Variants in KLHL11 observed in about 807,000 individuals in gnomAD.
KLHL11 encodes the protein kelch-like protein 11.
Under a neutral mutation model 56.1 loss-of-function variants are expected in KLHL11, and 26 were observed. The ratio of observed to expected loss-of-function variants is 0.46; its 90% confidence interval spans 0.34 to 0.64. KLHL11 has a LOEUF of 0.64. KLHL11 is among the 30% of genes least tolerant of loss of function. The probability of loss-of-function intolerance (pLI) is 0.01; values close to 1 mark genes in which losing one functional copy is unlikely to be tolerated. For synonymous variants in KLHL11, 338 were observed against 345.8 expected (o/e 0.98, Z 0.25); for missense variants, 627 against 919.4 (o/e 0.68, Z 4.11).
At chr17:41,858,393 T>TATATA in intron 1 of KLHL11, among the ~76,000 whole-genome samples, 1 of 81,590 alleles carries the variant, frequency 1.2e-5, no homozygotes, top group Non-Finnish European at 2.6e-5. Flanking sequence ...AACCCAGATA[T>TATATA]ATATATATAT....
intron 1 of KLHL11, among the ~76,000 whole-genome samples, chr17:41,857,446 G>A (rs1170088411): frequency 6.6e-6 from 1 of 150,682 alleles, no homozygotes; most frequent in Non-Finnish European, 1.5e-5. Flanking sequence ...GGCAGTGGTT[G>A]CAGTGAGCCA....
At chr17:41,863,887 CTTTA>C (rs34031055) in intron 1 of KLHL11, among the ~76,000 whole-genome samples, 21,850 of 152,026 alleles carry the variant, frequency 0.14, 1,708 homozygotes, top group East Asian at 0.18. Flanking sequence ...TCCCCCCATG[CTTTA>C]TTTTTCATCA....
chr17:41,864,736 G>T, intron 1 of KLHL11, 90 bp downstream of exon 1: 1 of 1,303,948 alleles, frequency 7.7e-7, no homozygotes, highest in Non-Finnish European at 1.0e-6. Flanking sequence ...CTCGCGAGCT[G>T]CCGTGGCAGG....
chr17:41,860,461 A>G (rs1403653240), intron 1 of KLHL11, among the ~76,000 whole-genome samples: 2 of 152,086 alleles, frequency 1.3e-5, no homozygotes, highest in Non-Finnish European at 2.9e-5. Context: ...TGATGGTTGC[A>G]GGGCACTTTG....
intron 1 of KLHL11, among the ~76,000 whole-genome samples, chr17:41,858,242 G>A (rs1343654278): frequency 3.4e-5 from 1 of 29,634 alleles, no homozygotes; most frequent in Non-Finnish European, 6.5e-5. Context: ...TTTTTTTTTT[G>A]AGACAGATCA....
intron 1 of KLHL11, among the ~76,000 whole-genome samples, chr17:41,857,067 A>G (rs2048371069): frequency 6.6e-6 from 1 of 152,068 alleles, no homozygotes; most frequent in African/African-American, 2.4e-5. Context: ...AGGGAGATGC[A>G]TGCCTGTAGT....
At position 41,854,363 on chromosome 17, in the gene KLHL11, G is replaced by A. The variant is rs1555622307; in HGVS notation, c.1504C>T (p.Arg502Trp). The A allele has an allele frequency of 3.1e-6, 5 of 1,614,122 alleles. No homozygotes were observed. The highest frequency in any genetic ancestry group is 4.2e-6 in the Non-Finnish European group (5 of 1,180,034). ...GTGCGGGCGGCAATGTATACAAACC[G>A]GTCTTCAATGGCTAGTGCTTTGACA... Reference protein sequence around the residue: ...RDVKALAIEDRFVYIAARTPV... With the variant: ...RDVKALAIEDWFVYIAARTPV... Residue 502 changes from arginine to tryptophan, a missense_variant, in exon 2 of 2, where the codon CGG becomes TGG. Physicochemically the swap from Arg to Trp is moderately radical, Grantham distance 101. Around this residue, in one of 4 missense-constraint regions of KLHL11, gnomAD observed 250 missense variants for 360.6 expected, o/e 0.69. Coordinates refer to ENST00000319121, the MANE Select transcript of KLHL11 (RefSeq NM_018143.3). This position sits in a 1 kb window ranked among gnomAD's most constrained non-coding sequence, Gnocchi z 4.9.
chr17:41,852,668 G>C lies in KLHL11; in HGVS notation c.*1072C>G, dbSNP rs963068664. ...TAGCCAGGCGTGATGGTGGGTACCTGTAATCCCAGCTACTCGGGATGCTGA... is the reference window on the plus strand; with the variant it reads ...TAGCCAGGCGTGATGGTGGGTACCTCTAATCCCAGCTACTCGGGATGCTGA... On this transcript the variant is annotated 3_prime_UTR_variant, in exon 2 of 2. Coordinates refer to ENST00000319121, the MANE Select transcript of KLHL11 (RefSeq NM_018143.3). 7.1e-4 allele frequency among the ~76,000 whole-genome samples: 108 copies of C among 151,324 alleles called. No homozygotes were observed. Among genetic ancestry groups the C allele is most frequent in the Admixed American group, 2.2e-3 (34 of 15,150 alleles).
At position 41,851,520 on chromosome 17, in the gene KLHL11, T is replaced by C. The variant is rs1371600919; in HGVS notation, c.*2220A>G. 2 of 149,734 alleles carry C rather than the reference T, an allele frequency of 1.3e-5. No homozygotes were observed. Among genetic ancestry groups the C allele is most frequent in the Non-Finnish European group, 3.0e-5 (2 of 67,744 alleles). The allele number at this position is 149,734 out of a possible 1,614,324, so 9.3% of individuals were successfully genotyped here. On this transcript the variant is annotated 3_prime_UTR_variant, in exon 2 of 2. Coordinates refer to ENST00000319121, the MANE Select transcript of KLHL11 (RefSeq NM_018143.3). ...AGCAGGCTGAGGCAGGAGAATCACATGAACCCGGGAGGTGGAGGTTGCAGT... is the reference window on the plus strand; with the variant it reads ...AGCAGGCTGAGGCAGGAGAATCACACGAACCCGGGAGGTGGAGGTTGCAGT...
At position 41,848,614 on chromosome 17, in the gene KLHL11, C is replaced by T; in HGVS notation, c.*5126G>A. The T allele has an allele frequency of 3.5e-6, 1 of 284,896 alleles. No individual in the cohort carries two copies. The highest frequency in any genetic ancestry group is 4.6e-5 in the South Asian group (1 of 21,558). The allele number at this position is 284,896 out of a possible 1,614,324, so 17.6% of individuals were successfully genotyped here. On this transcript the variant is annotated 3_prime_UTR_variant, in exon 2 of 2. Coordinates refer to ENST00000319121, the MANE Select transcript of KLHL11 (RefSeq NM_018143.3). ...CAGGAACATAAAACAAGCTATTTTACAATGTCATGTCTCAAGGTGTTCTAA... is the reference window on the plus strand; with the variant it reads ...CAGGAACATAAAACAAGCTATTTTATAATGTCATGTCTCAAGGTGTTCTAA...
chr17:41,854,639 A>G lies in KLHL11; in HGVS notation c.1228T>C (p.Tyr410His). The G allele has an allele frequency of 6.2e-7, 1 of 1,614,160 alleles. No individual in the cohort carries two copies. The highest frequency in any genetic ancestry group is 8.5e-7 in the Non-Finnish European group (1 of 1,180,026). ...CCTGGCTCCATTGATCCAGCAACAT[A>G]CACGTAGGATTCTGTTACTGCAACA... ...HAVAVTESYV[Y>H]VAGSMEPGFA... The change falls in exon 2 of 2, where the codon TAT becomes CAT. Residue 410 changes from tyrosine (Y) to histidine (H), a missense_variant. Physicochemically the swap from Tyr to His is moderately conservative, Grantham distance 83 (BLOSUM62 2). Coordinates refer to ENST00000319121, the MANE Select transcript of KLHL11 (RefSeq NM_018143.3). This position sits in a 1 kb window ranked among gnomAD's most constrained non-coding sequence, Gnocchi z 4.9.
rs2048438304 is a variant in KLHL11, at chr17:41,865,411, T to C, written c.-41A>G. 3.3e-6 allele frequency: 4 copies of C among 1,228,628 alleles called. No individual in the cohort carries two copies. Among genetic ancestry groups the C allele is most frequent in the Admixed American group, 3.4e-5 (1 of 29,134 alleles). The allele number at this position is 1,228,628 out of a possible 1,614,324, so 76.1% of individuals were successfully genotyped here. ...CCCGGCCTCCACAGCCTCGGAACGA[T>C]GCGGCTGTTGGTACGACACAGAGGG... On this transcript the variant is annotated 5_prime_UTR_variant, in exon 1 of 2. Coordinates refer to ENST00000319121, the MANE Select transcript of KLHL11 (RefSeq NM_018143.3).
rs887834184 is a variant in KLHL11 at position 41,865,403 on chromosome 17, C to T, written c.-33G>A. On this transcript the variant is annotated 5_prime_UTR_variant, in exon 1 of 2. Coordinates refer to ENST00000319121, the MANE Select transcript of KLHL11 (RefSeq NM_018143.3). ...CCGCTGCGCCCGGCCTCCACAGCCTCGGAACGATGCGGCTGTTGGTACGAC... is the reference window on the plus strand; with the variant it reads ...CCGCTGCGCCCGGCCTCCACAGCCTTGGAACGATGCGGCTGTTGGTACGAC... 1 of 1,249,848 alleles carries T rather than the reference C, an allele frequency of 8.0e-7. No individual in the cohort carries two copies. Among genetic ancestry groups the T allele is most frequent in the East Asian group, 2.9e-5 (1 of 34,510 alleles). The allele number at this position is 1,249,848 out of a possible 1,614,324, so 77.4% of individuals were successfully genotyped here.
intron 1 of KLHL11, among the ~76,000 whole-genome samples, chr17:41,862,531 C>T (rs995578759): frequency 6.6e-6 from 1 of 151,848 alleles, no homozygotes; most frequent in Non-Finnish European, 1.5e-5. Context: ...CTGCCCACCT[C>T]GGCCTCCCAA....
In KLHL11 at chr17:41,865,390, GC is replaced by G; in HGVS notation, c.-21del. The G allele has an allele frequency of 7.5e-7, 1 of 1,325,976 alleles. No homozygotes were observed. The highest frequency in any genetic ancestry group is 9.9e-7 in the Non-Finnish European group (1 of 1,013,914). The allele number at this position is 1,325,976 out of a possible 1,614,324, so 82.1% of individuals were successfully genotyped here. ...CGCCATCTTGACGCCGCTGCGCCCG[GC>G]CTCCACAGCCTCGGAACGATGCGGC... is the stretch of plus-strand genomic sequence containing the variant. On this transcript the variant is annotated 5_prime_UTR_variant, in exon 1 of 2. Transcript: ENST00000319121.
chr17:41,854,205 G>T lies in KLHL11; in HGVS notation c.1662C>A (p.Val554=). 1 of 1,614,072 alleles carries T rather than the reference G, an allele frequency of 6.2e-7. No individual in the cohort carries two copies. Among genetic ancestry groups the T allele is most frequent in the South Asian group, 1.1e-5 (1 of 91,040 alleles). The part of the protein sequence containing the change: ...DNYCFFQMSV[V]NSNFYQTASC... Reference sequence around the variant, plus strand: ...ATGCTGTCTGATAAAAGTTTGAATTGACCACAGACATTTGGAAAAAGCAGT... The same window carrying T: ...ATGCTGTCTGATAAAAGTTTGAATTTACCACAGACATTTGGAAAAAGCAGT... Residue 554 remains valine, a synonymous_variant, in exon 2 of 2, where the codon GTC becomes GTA. Coordinates refer to ENST00000319121, the MANE Select transcript of KLHL11 (RefSeq NM_018143.3). The surrounding 1 kb of genome is among the most constrained non-coding windows in gnomAD (Gnocchi z 4.9).
rs781972383 is a variant in KLHL11 at position 41,865,262 on chromosome 17, C to A, written c.109G>T (p.Ala37Ser). Reference protein sequence around the residue: ...ETAAAGSAGLAAEVRGSGTVD... With the variant: ...ETAAAGSAGLSAEVRGSGTVD... ...GTGCCGCTGCCTCGGACCTCGGCGG[C>A]CAGTCCTGCCGAGCCGGCGGCGGCC... Residue 37 changes from alanine (A) to serine (S), a missense_variant, in exon 1 of 2, where the codon GCC (alanine) becomes TCC (serine). Coordinates refer to ENST00000319121, the MANE Select transcript of KLHL11 (RefSeq NM_018143.3). 8 of 1,583,096 alleles carry A rather than the reference C, an allele frequency of 5.1e-6. No homozygotes were observed. In the Admixed American group the frequency reaches 1.4e-4, roughly 28 times the overall value.
chr17:41,862,618 G>A (rs1320042444), intron 1 of KLHL11, among the ~76,000 whole-genome samples: 2 of 151,914 alleles, frequency 1.3e-5, no homozygotes, highest in Non-Finnish European at 2.9e-5. Flanking sequence ...GTTTCATCAT[G>A]TTGGCCAGGC....
Position 41,864,849 on chromosome 17 carries a change from G to C in KLHL11, c.522C>G (p.His174Gln). 1 of 1,545,318 alleles carries C rather than the reference G, an allele frequency of 6.5e-7. No homozygotes were observed. Among genetic ancestry groups the C allele is most frequent in the Non-Finnish European group, 8.8e-7 (1 of 1,141,896 alleles). Residue 174 changes from histidine to glutamine, a missense_variant, in exon 1 of 2, where the codon CAC (histidine) becomes CAG (glutamine). Around this residue, in one of 4 missense-constraint regions of KLHL11, gnomAD observed 150 missense variants for 215.7 expected, o/e 0.70. Coordinates refer to ENST00000319121, the MANE Select transcript of KLHL11 (RefSeq NM_018143.3). The stretch of plus-strand genomic sequence containing the variant: ...ACCTGTCGGCCAACTCCAGCACCTC[G>C]TGCACGCTGCCCGTGCTGACGCGGA... ...GRIRVSTGSVHEVLELADRFL... is the reference protein window; with the variant it reads ...GRIRVSTGSVQEVLELADRFL...
Sources: allele counts gnomAD v4.1 joint callset (sites outside exome capture counted in the v4.1 genomes callset), GRCh38; gene constraint gnomAD v4.1.1; regional missense constraint gnomAD v4.1.1; non-coding constraint Gnocchi (gnomAD v3.1); transcripts MANE v1.5; gene names NCBI Gene and HGNC (gene_info 2026-07-23, HGNC 2026-07-21).